RETREG1: variants seen among roughly 807,000 people sequenced by gnomAD.
RETREG1 encodes family with sequence similarity 134 member B.
RETREG1 carries 44 observed loss-of-function variants against 54.8 expected under a neutral mutation model. The observed-to-expected ratio is 0.80, with a 90% confidence interval of 0.63 to 1.03. The LOEUF (loss-of-function observed/expected upper bound fraction) is 1.03, where lower values mean the gene tolerates loss of function less well. RETREG1 is among the 50% of genes least tolerant of loss of function. RETREG1 has a pLI of 0.00. For synonymous variants in RETREG1, 217 were observed against 238.5 expected, an observed-to-expected ratio of 0.91 and a Z score of 0.83; for missense variants, 554 against 605.1, an observed-to-expected ratio of 0.92 and a Z score of 0.89.
rs1447745891 is a variant in RETREG1, at chr5:16,480,997, T to C, written c.670+12A>G. The C allele has an allele frequency of 3.8e-6, 6 of 1,585,538 alleles. No individual in the cohort carries two copies. The African/African-American group carries it at 8.1e-5, about 21-fold the overall frequency. ...CATCACAACACTTAGCCATATGTTC[T>C]ACTATACTTACACAGTAGATAGCTG... On this transcript the variant is annotated intron_variant, in intron 5 of 8. Coordinates refer to ENST00000306320, the MANE Select transcript of RETREG1 (RefSeq NM_001034850.3).
At chr5:16,534,708 T>A (rs548197145) in intron 3 of RETREG1, among the ~76,000 whole-genome samples, 95 of 152,338 alleles carry the variant, frequency 6.2e-4, no homozygotes, top group African/African-American at 2.2e-3. Context: ...GGGAGACTCA[T>A]CACCTTTATT....
intron 1 of RETREG1, among the ~76,000 whole-genome samples, chr5:16,600,454 A>T (rs896101743): frequency 6.6e-6 from 1 of 152,230 alleles, no homozygotes; most frequent in Non-Finnish European, 1.5e-5. Flanking sequence ...GGGTAACAGG[A>T]CAGAAGAGAG....
intron 3 of RETREG1, among the ~76,000 whole-genome samples, chr5:16,563,255 A>G (rs2126627194): frequency 6.6e-6 from 1 of 152,146 alleles, no homozygotes; most frequent in South Asian, 2.1e-4. Flanking sequence ...AATGTCTTTA[A>G]TTTATTTTAT....
intron 3 of RETREG1, among the ~76,000 whole-genome samples, chr5:16,501,263 T>C (rs950543832): frequency 6.6e-6 from 1 of 152,150 alleles, no homozygotes; most frequent in Non-Finnish European, 1.5e-5. Flanking sequence ...TCAGAGAGAT[T>C]AAGTAGCTTA....
chr5:16,600,460 G>A (rs1452499623), intron 1 of RETREG1, among the ~76,000 whole-genome samples: 21 of 152,226 alleles, frequency 1.4e-4, no homozygotes, highest in Non-Finnish European at 1.0e-4. Flanking sequence ...CAGGACAGAA[G>A]AGAGCAGGGC....
At position 16,576,281 on chromosome 5, in the gene RETREG1, ATTT is replaced by A. The variant is rs540163208; in HGVS notation, c.321-4182_321-4180del. Among the ~76,000 whole-genome samples the A allele has an allele frequency of 2.1e-5, 3 of 145,082 alleles. No individual in the cohort carries two copies. The Admixed American group carries it at 2.1e-4, about 10-fold the overall frequency. On this transcript the variant is annotated intron_variant, in intron 1 of 8. Transcript: ENST00000306320. ...ACTGCCATTTATCTTCAAAAACAAG[ATTT>A]TTTCTTTTTCTTTTTTTTTTTTTTT...
rs1023074143 is a variant in RETREG1, at chr5:16,593,392, T to C, written c.321-21290A>G. On this transcript the variant is annotated intron_variant, in intron 1 of 8. Transcript: ENST00000306320. This position sits in a 1 kb window ranked among gnomAD's most constrained non-coding sequence, Gnocchi z 4.9. ...TCACCACTGTCACCCAAGCACTAGGTCTCTGCATGCCAATCACAGGCACTC... is the reference window on the plus strand; with the variant it reads ...TCACCACTGTCACCCAAGCACTAGGCCTCTGCATGCCAATCACAGGCACTC... Among the ~76,000 whole-genome samples, 1 of 152,198 alleles carries C rather than the reference T, an allele frequency of 6.6e-6. No homozygotes were observed. Among genetic ancestry groups the C allele is most frequent in the Non-Finnish European group, 1.5e-5 (1 of 68,026 alleles).
At chr5:16,592,157 A>C (rs1373404350) in intron 1 of RETREG1, among the ~76,000 whole-genome samples, 1 of 152,228 alleles carries the variant, frequency 6.6e-6, no homozygotes, top group Non-Finnish European at 1.5e-5. Flanking sequence ...ACTACATCAG[A>C]ACTTCAAGTC....
intron 3 of RETREG1, among the ~76,000 whole-genome samples, chr5:16,501,373 G>T (rs1045765173): frequency 2.0e-5 from 3 of 152,126 alleles, no homozygotes; most frequent in African/African-American, 7.2e-5. Flanking sequence ...CAGTCACCCA[G>T]CAGAATGGTT....
rs909804351 is a variant in RETREG1 at position 16,518,898 on chromosome 5, A to G, written c.459-35426T>C. 2.6e-5 allele frequency among the ~76,000 whole-genome samples: 4 copies of G among 152,352 alleles called. No individual in the cohort carries two copies. In the Middle Eastern group the frequency reaches 0.01, roughly 389 times the overall value. Reference sequence around the variant, plus strand: ...CCCACAAAGACTTCCAATGTCACCAATACAGAATTTGTTGCCCGTGAAAAT... The same window carrying G: ...CCCACAAAGACTTCCAATGTCACCAGTACAGAATTTGTTGCCCGTGAAAAT... On this transcript the variant is annotated intron_variant, in intron 3 of 8. Transcript: ENST00000306320.
intron 1 of RETREG1, among the ~76,000 whole-genome samples, chr5:16,609,698 G>A (rs1263143624): frequency 2.6e-5 from 4 of 152,132 alleles, no homozygotes; most frequent in South Asian, 2.1e-4. Context: ...TTTCTCAGCC[G>A]GGGAAGAGAA....
In RETREG1 at chr5:16,473,121, T is replaced by C. The variant is rs932059653; in HGVS notation, c.*1620A>G. On this transcript the variant is annotated 3_prime_UTR_variant, in exon 9 of 9. Coordinates refer to ENST00000306320, the MANE Select transcript of RETREG1 (RefSeq NM_001034850.3). ...GTTATTGAATAAAATTCAGGTATAT[T>C]CCTCCAAAACCCACACAGTTCAGAG... is the stretch of plus-strand genomic sequence containing the variant. The C allele has an allele frequency of 6.6e-6, 1 of 152,452 alleles. No individual in the cohort carries two copies. Among genetic ancestry groups the C allele is most frequent in the African/African-American group, 2.4e-5 (1 of 41,426 alleles). 9.4% of individuals were successfully genotyped at this position (152,452 alleles called of 1,614,324 possible).
intron 3 of RETREG1, among the ~76,000 whole-genome samples, chr5:16,557,227 T>A (rs1407735479): frequency 1.3e-5 from 2 of 152,244 alleles, no homozygotes; most frequent in Admixed American, 1.3e-4. Context: ...TCTAGGCACG[T>A]ACTTACTTGA....
In RETREG1 at chr5:16,535,292, A is replaced by G. The variant is rs138650192; in HGVS notation, c.458+30471T>C. ...TTGATTTCCAGGATACCACATGTGA[A>G]GAGAGCCCTTCATGAAGTGGGAGTT... On this transcript the variant is annotated intron_variant, in intron 3 of 8. Transcript: ENST00000306320. Among the ~76,000 whole-genome samples the G allele has an allele frequency of 3.9e-3, 591 of 152,356 alleles. 3 individuals carry two copies. The highest frequency in any genetic ancestry group is 0.014 in the African/African-American group (573 of 41,590).
At position 16,474,485 on chromosome 5, in the gene RETREG1, T is replaced by G; in HGVS notation, c.*256A>C. 1 of 427,968 alleles carries G rather than the reference T, an allele frequency of 2.3e-6. No homozygotes were observed. The highest frequency in any genetic ancestry group is 4.1e-6 in the Non-Finnish European group (1 of 243,018). 26.5% of individuals were successfully genotyped at this position (427,968 alleles called of 1,614,324 possible). A position where few individuals can be genotyped will look rare whatever the true frequency, so the allele number is the denominator to read the frequency against. ...TTTGCTTTAAAAACAACCCCTAATA[T>G]TTATCTCTGACAACACAGTGGTGTG... is the stretch of plus-strand genomic sequence containing the variant. On this transcript the variant is annotated 3_prime_UTR_variant, in exon 9 of 9. Coordinates refer to ENST00000306320, the MANE Select transcript of RETREG1 (RefSeq NM_001034850.3).
intron 3 of RETREG1, among the ~76,000 whole-genome samples, chr5:16,507,105 T>C (rs1348306694): frequency 1.3e-5 from 2 of 152,230 alleles, no homozygotes; most frequent in Non-Finnish European, 2.9e-5. Flanking sequence ...GTTCAAAATA[T>C]TTATCAATAA....
chr5:16,589,165 T>C (rs982222769), intron 1 of RETREG1, among the ~76,000 whole-genome samples: 1 of 152,168 alleles, frequency 6.6e-6, no homozygotes, highest in East Asian at 1.9e-4. Flanking sequence ...CAAGAAACCA[T>C]AGAAAATCCA....
At chr5:16,562,724 C>T (rs1443255071) in intron 3 of RETREG1, among the ~76,000 whole-genome samples, 2 of 152,048 alleles carry the variant, frequency 1.3e-5, no homozygotes, top group African/African-American at 4.8e-5. Flanking sequence ...CAAGAGGAGG[C>T]ATCAATGACT....
At chr5:16,608,741 T>C (rs767512966) in intron 1 of RETREG1, among the ~76,000 whole-genome samples, 1 of 152,168 alleles carries the variant, frequency 6.6e-6, no homozygotes, top group Non-Finnish European at 1.5e-5. Context: ...AGGTACCGAC[T>C]ACTCAGACGG....
Sources: allele counts gnomAD v4.1 joint callset (sites outside exome capture counted in the v4.1 genomes callset), GRCh38; gene constraint gnomAD v4.1.1; non-coding constraint Gnocchi (gnomAD v3.1); transcripts MANE v1.5; gene names NCBI Gene and HGNC (gene_info 2026-07-23, HGNC 2026-07-21).